The following TMEM260 variants were observed in gnomAD, a reference collection of about 807,000 sequenced individuals.
TMEM260 encodes the protein transmembrane protein 260.
A neutral mutation model predicts 88.9 loss-of-function variants in TMEM260; 82 were observed. That is an observed-to-expected ratio of 0.92 (90% CI 0.77 to 1.11). The LOEUF (loss-of-function observed/expected upper bound fraction) is 1.11. Among genes scored for constraint, TMEM260 ranks in the 50% least tolerant of loss-of-function variants. TMEM260 has a pLI of 0.00. For synonymous variants in TMEM260, 314 were observed against 309.3 expected, an observed-to-expected ratio of 1.02 and a Z score of -0.16; for missense variants, 902 against 853.4, an observed-to-expected ratio of 1.06 and a Z score of -0.71.
intron 3 of TMEM260, among the ~76,000 whole-genome samples, chr14:56,599,268 G>A (rs903205522): frequency 4.6e-5 from 7 of 152,124 alleles, no homozygotes; most frequent in African/African-American, 1.7e-4. Context: ...ACCTAGTAAA[G>A]CCTCAAAGGA....
intron 15 of TMEM260, among the ~76,000 whole-genome samples, chr14:56,636,955 GTCC>G (rs1164164063): frequency 6.6e-6 from 1 of 152,196 alleles, no homozygotes; most frequent in African/African-American, 2.4e-5. Flanking sequence ...AATCATAAAG[GTCC>G]TCATGAAAGG....
intron 3 of TMEM260, among the ~76,000 whole-genome samples, chr14:56,601,250 TAAG>T (rs1362565827): frequency 1.3e-5 from 2 of 152,186 alleles, no homozygotes; most frequent in African/African-American, 4.8e-5. Context: ...TTTCTGAGTG[TAAG>T]AATATGTGTT....
chr14:56,636,436 G>GTGGA, intron 14 of TMEM260, 72 bp from the exon 15 acceptor site: 1 of 1,208,746 alleles, frequency 8.3e-7, no homozygotes, highest in South Asian at 1.2e-5. Flanking sequence ...GGAGAAGCCT[G>GTGGA]GAAGATTTAG....
intron 1 of TMEM260, 45 bp downstream of exon 1, chr14:56,580,119 C>T: frequency 2.4e-6 from 3 of 1,243,926 alleles, no homozygotes; most frequent in Non-Finnish European, 3.0e-6. Flanking sequence ...CTCCCCTGGT[C>T]CCAGAACGGG....
At chr14:56,625,607 C>A in intron 12 of TMEM260, 77 bp downstream of exon 12, 3 of 1,195,604 alleles carry the variant, frequency 2.5e-6, no homozygotes, top group Non-Finnish European at 3.5e-6. Flanking sequence ...AGTTGTGCAT[C>A]ATCCAAAAGA....
intron 15 of TMEM260, among the ~76,000 whole-genome samples, chr14:56,637,098 T>A (rs1041775593): frequency 6.6e-6 from 1 of 152,194 alleles, no homozygotes; most frequent in Non-Finnish European, 1.5e-5. Flanking sequence ...CTGGAGGACG[T>A]TGGAAACAGA....
the TMEM260 span, among the ~76,000 whole-genome samples, chr14:56,662,242 G>T: frequency 6.6e-6 from 1 of 152,122 alleles, no homozygotes; most frequent in Non-Finnish European, 1.5e-5. Context: ...AACTACTCCC[G>T]TGGTATATAG....
At chr14:56,618,882 T>G (rs1229698124) in intron 10 of TMEM260, 119 bp downstream of exon 10, 1 of 977,502 alleles carries the variant, frequency 1.0e-6, no homozygotes, top group Non-Finnish European at 1.5e-6. Flanking sequence ...GTGAGACAGC[T>G]TGGTTGAATG....
chr14:56,656,947 A>G, the TMEM260 span, among the ~76,000 whole-genome samples: 1 of 152,134 alleles, frequency 6.6e-6, no homozygotes, highest in African/African-American at 2.4e-5. Context: ...CCCCATTACC[A>G]TGACCGTCCT....
At chr14:56,587,715 A>T (rs1885595815) in intron 3 of TMEM260, among the ~76,000 whole-genome samples, 1 of 152,104 alleles carries the variant, frequency 6.6e-6, no homozygotes, top group Non-Finnish European at 1.5e-5. Flanking sequence ...CTCTTACATA[A>T]TTTTAATATG....
At chr14:56,585,564 G>T in intron 2 of TMEM260, 197 bp from the exon 3 acceptor site, 1 of 543,830 alleles carries the variant, frequency 1.8e-6, no homozygotes. Flanking sequence ...TGTGATAGAC[G>T]CTGCCAAATC....
intron 15 of TMEM260, among the ~76,000 whole-genome samples, chr14:56,636,870 G>C (rs1405245563): frequency 1.3e-5 from 2 of 152,230 alleles, no homozygotes; most frequent in Non-Finnish European, 2.9e-5. Context: ...ATGTAACAAA[G>C]CAGGGGGTGG....
intron 8 of TMEM260, 82 bp from the exon 9 acceptor site, chr14:56,617,101 C>A: frequency 1.2e-6 from 1 of 817,726 alleles, no homozygotes; most frequent in Non-Finnish European, 1.8e-6. Flanking sequence ...TTTTATAGAT[C>A]TAATAGTTTA....
intron 15 of TMEM260, among the ~76,000 whole-genome samples, chr14:56,644,586 G>C (rs1210662635): frequency 6.6e-6 from 1 of 152,242 alleles, no homozygotes; most frequent in Non-Finnish European, 1.5e-5. Flanking sequence ...CAGGACATAG[G>C]CATGGGCAAG....
intron 12 of TMEM260, among the ~76,000 whole-genome samples, chr14:56,630,946 C>A (rs2139620708): frequency 6.6e-6 from 1 of 152,196 alleles, no homozygotes; most frequent in African/African-American, 2.4e-5. Flanking sequence ...TTGGATTAAT[C>A]CCATGTGTGT....
intron 7 of TMEM260, chr14:56,613,957 C>A (rs1887442587): frequency 6.6e-6 from 1 of 150,898 alleles, no homozygotes; most frequent in Admixed American, 6.6e-5. Flanking sequence ...GGCTGGAGTG[C>A]AGTGGTGAGA....
chr14:56,662,546 G>A, the TMEM260 span, among the ~76,000 whole-genome samples: 9 of 152,154 alleles, frequency 5.9e-5, no homozygotes, highest in Non-Finnish European at 8.8e-5. Context: ...GCTACAACCA[G>A]AACCACCCCT....
intron 1 of TMEM260, among the ~76,000 whole-genome samples, 178 bp from the exon 2 acceptor site, chr14:56,584,823 A>G (rs1259189979): frequency 6.6e-6 from 1 of 152,184 alleles, no homozygotes; most frequent in Non-Finnish European, 1.5e-5. Flanking sequence ...AGTTTGTTCA[A>G]TAAGACCTAA....
At chr14:56,605,711 G>T (rs75417163) in intron 5 of TMEM260, 28 bp downstream of exon 5, 1 of 1,360,692 alleles carries the variant, frequency 7.3e-7, no homozygotes, top group Non-Finnish European at 1.0e-6. Flanking sequence ...GTAAAAAAAA[G>T]TACAATATTT....
Sources: gnomAD v4.1 joint callset for allele counts (sites outside exome capture counted in the v4.1 genomes callset) on GRCh38, gnomAD v4.1.1 for gene constraint, MANE v1.5 for transcripts, NCBI Gene and HGNC (gene_info 2026-07-23, HGNC 2026-07-21) for gene names.